The following KCND2 variants were observed in gnomAD, a reference collection of about 807,000 sequenced individuals.
KCND2 encodes potassium voltage-gated channel subfamily D member 2.
Under a neutral mutation model 54.4 loss-of-function variants are expected in KCND2, and 16 were observed. The observed-to-expected ratio is 0.29, with a 90% confidence interval of 0.20 to 0.45. The LOEUF is 0.45. Among genes scored for constraint, KCND2 ranks in the 20% least tolerant of loss-of-function variants. KCND2 has a pLI of 1.00. For synonymous variants in KCND2, 317 were observed against 310.7 expected, an observed-to-expected ratio of 1.02 and a Z score of -0.21; for missense variants, 486 against 824.2, an observed-to-expected ratio of 0.59 and a Z score of 5.02.
chr7:120,580,227 G>T (rs1792497951), intron 1 of KCND2, among the ~76,000 whole-genome samples: 1 of 152,178 alleles, frequency 6.6e-6, no homozygotes, highest in Admixed American at 6.5e-5. Context: ...GAGTAAGAAA[G>T]ACACTAAATG....
rs573285520 is a variant in KCND2 at position 120,574,069 on chromosome 7, A to G, written c.1116-158834A>G. On this transcript the variant is annotated intron_variant, in intron 1 of 5. Transcript: ENST00000331113. ...AGTTAATGATCCTTTTAGACTGAGG[A>G]AAAAATAGAACTAATTTGAATGAAT... 2.6e-5 allele frequency among the ~76,000 whole-genome samples: 4 copies of G among 152,270 alleles called. No homozygotes were observed. In the South Asian group the frequency reaches 8.3e-4, roughly 32 times the overall value.
At chr7:120,514,239 A>G (rs1275683581) in intron 1 of KCND2, among the ~76,000 whole-genome samples, 2 of 152,158 alleles carry the variant, frequency 1.3e-5, no homozygotes, top group Admixed American at 1.3e-4. Context: ...GCTCATGACC[A>G]GTGACCTGCC....
chr7:120,549,113 G>A (rs1308632851), intron 1 of KCND2, among the ~76,000 whole-genome samples: 1 of 152,086 alleles, frequency 6.6e-6, no homozygotes, highest in Non-Finnish European at 1.5e-5. Context: ...GATGTCAGAA[G>A]CCAGAGAAAC....
chr7:120,704,268 T>C (rs984673177), intron 1 of KCND2, among the ~76,000 whole-genome samples: 5 of 152,188 alleles, frequency 3.3e-5, no homozygotes, highest in African/African-American at 7.2e-5. Flanking sequence ...AAGAGACATT[T>C]CTAAAATATC....
chr7:120,673,905 A>ATTTTTTTTTTT (rs1214761156), intron 1 of KCND2, among the ~76,000 whole-genome samples: 1 of 136,084 alleles, frequency 7.3e-6, no homozygotes. Flanking sequence ...TGCCTCTTTT[A>ATTTTTTTTTTT]TTTATTTTTT....
chr7:120,541,608 T>A (rs565227868), intron 1 of KCND2, among the ~76,000 whole-genome samples: 28 of 152,048 alleles, frequency 1.8e-4, no homozygotes, highest in African/African-American at 5.8e-4. Flanking sequence ...GCACAAAAGG[T>A]CCTTCAGTTG....
At chr7:120,369,448 C>T (rs1800734425) in intron 1 of KCND2, among the ~76,000 whole-genome samples, 2 of 151,986 alleles carry the variant, frequency 1.3e-5, no homozygotes, top group African/African-American at 2.4e-5. Flanking sequence ...AATCAGTTTC[C>T]TTCAGGAAAT....
intron 1 of KCND2, among the ~76,000 whole-genome samples, chr7:120,456,724 C>G (rs1191969812): frequency 6.6e-6 from 1 of 152,178 alleles, no homozygotes; most frequent in Non-Finnish European, 1.5e-5. Flanking sequence ...CTTTTCCAGG[C>G]ACAGGGTACA....
intron 1 of KCND2, among the ~76,000 whole-genome samples, chr7:120,613,812 C>T (rs935059383): frequency 3.9e-5 from 6 of 152,066 alleles, no homozygotes; most frequent in African/African-American, 4.8e-5. Context: ...CCCACTTCCT[C>T]GCAAATATAC....
chr7:120,394,106 A>T (rs1228684816), intron 1 of KCND2, among the ~76,000 whole-genome samples: 1 of 152,010 alleles, frequency 6.6e-6, no homozygotes, highest in Non-Finnish European at 1.5e-5. Context: ...TGCTGCATAG[A>T]CAAAATCAAT....
intron 1 of KCND2, among the ~76,000 whole-genome samples, chr7:120,717,638 A>G (rs1343873710): frequency 6.6e-6 from 1 of 152,100 alleles, no homozygotes; most frequent in Non-Finnish European, 1.5e-5. Context: ...GTATCATCAT[A>G]GACAGCAACT....
At chr7:120,454,937 C>T (rs535945835) in intron 1 of KCND2, among the ~76,000 whole-genome samples, 1 of 152,144 alleles carries the variant, frequency 6.6e-6, no homozygotes, top group South Asian at 2.1e-4. Flanking sequence ...TTTGTAGTAG[C>T]CGCAAAAGGA....
chr7:120,440,547 C>T (rs1165565584), intron 1 of KCND2, among the ~76,000 whole-genome samples: 1 of 151,850 alleles, frequency 6.6e-6, no homozygotes, highest in Non-Finnish European at 1.5e-5. Flanking sequence ...GAGGTCTTAT[C>T]CAAAGAATCT....
chr7:120,580,729 T>A (rs997641037), intron 1 of KCND2, among the ~76,000 whole-genome samples: 1 of 152,194 alleles, frequency 6.6e-6, no homozygotes, highest in Non-Finnish European at 1.5e-5. Flanking sequence ...TTTACTATCT[T>A]ATACTTTCTG....
intron 1 of KCND2, among the ~76,000 whole-genome samples, chr7:120,458,039 C>T (rs1391771762): frequency 6.6e-6 from 1 of 152,068 alleles, no homozygotes; most frequent in Non-Finnish European, 1.5e-5. Flanking sequence ...AGGAGAACCC[C>T]TTATAAAACC....
chr7:120,633,603 G>C (rs564797977), intron 1 of KCND2, among the ~76,000 whole-genome samples: 14 of 152,046 alleles, frequency 9.2e-5, no homozygotes, highest in Non-Finnish European at 1.9e-4. Flanking sequence ...CAAAACCTGT[G>C]GTTGTTAATA....
chr7:120,543,216 A>G (rs888261665), intron 1 of KCND2, among the ~76,000 whole-genome samples: 27 of 151,738 alleles, frequency 1.8e-4, no homozygotes, highest in African/African-American at 2.9e-4. Context: ...ATCAGTCCCT[A>G]TGGTTTTGCC....
intron 2 of KCND2, among the ~76,000 whole-genome samples, chr7:120,733,442 T>C (rs1362053573): frequency 1.3e-5 from 2 of 152,118 alleles, no homozygotes; most frequent in Non-Finnish European, 2.9e-5. Context: ...CACAGCAATG[T>C]CTAATTTCAA....
In KCND2 at chr7:120,747,571, C is replaced by T. The variant is rs1793022306; in HGVS notation, c.1716-110C>T. 24 of 747,578 alleles carry T rather than the reference C, an allele frequency of 3.2e-5. No individual in the cohort carries two copies. The South Asian group carries it at 3.7e-4, about 12-fold the overall frequency. The allele number at this position is 747,578 out of a possible 1,614,324, so 46.3% of individuals were successfully genotyped here. On this transcript the variant is annotated intron_variant, in intron 5 of 5. Transcript: ENST00000331113. ...TCATATTTTTAATTATAATAACTTT[C>T]CTTAGACAATTAAAATATTTTTATA...
Sources: gnomAD v4.1 joint callset for allele counts (sites outside exome capture counted in the v4.1 genomes callset) on GRCh38, gnomAD v4.1.1 for gene constraint, MANE v1.5 for transcripts, NCBI Gene and HGNC (gene_info 2026-07-23, HGNC 2026-07-21) for gene names.